The following ATM variants were observed in gnomAD, a reference collection of about 807,000 sequenced individuals.
The protein encoded by ATM is ATM serine/threonine kinase.
ATM carries 308 observed loss-of-function variants against 387.0 expected under a neutral mutation model. The ratio of observed to expected loss-of-function variants is 0.80; its 90% CI spans 0.73 to 0.87. ATM has a LOEUF of 0.87. Ranked by LOEUF, ATM falls within the 40% of genes least tolerant of loss-of-function variation. ATM has a pLI of 0.00. For missense variants in ATM, 3,312 were observed against 3,560.9 expected, an observed-to-expected ratio of 0.93 and a Z score of 1.78; for synonymous variants, 1,156 against 1,187.3, an observed-to-expected ratio of 0.97 and a Z score of 0.54.
intron 22 of ATM, among the ~76,000 whole-genome samples, chr11:108,278,005 G>T (rs2082038787): frequency 6.6e-6 from 1 of 151,606 alleles, no homozygotes; most frequent in African/African-American, 2.4e-5. Flanking sequence ...CATGTGATAG[G>T]TATCCAATAA....
intron 1 of ATM, 76 bp from the exon 2 acceptor site, chr11:108,227,518 AT>A (rs1385851743): frequency 1.4e-5 from 13 of 930,976 alleles, no homozygotes; most frequent in East Asian, 1.3e-4. Flanking sequence ...TTATATACAC[AT>A]TTTTTCACAC....
rs1555091146 is a variant in ATM at position 108,281,019 on chromosome 11, A to T, written c.3427A>T (p.Thr1143Ser). 6.2e-7 allele frequency: 1 copy of T among 1,613,222 alleles called. No individual in the cohort carries two copies. Among genetic ancestry groups the T allele is most frequent in the Non-Finnish European group, 8.5e-7 (1 of 1,179,460 alleles). Residue 1143 changes from threonine to serine, a missense_variant, in exon 24 of 63, where the codon ACT (threonine) becomes TCT (serine). Coordinates refer to ENST00000675843, the MANE Select transcript of ATM (RefSeq NM_000051.4). ...EMSHSAENPE[T>S]LDEIYNRKSV... ...GTCCCATAGTGCTGAGAACCCTGAA[A>T]CTTTGGATGAAATTTATAATAGAAA...
rs756160331 is a variant in ATM at position 108,250,693 on chromosome 11, T to C, written c.1236-8T>C. The C allele has an allele frequency of 3.1e-6, 5 of 1,599,180 alleles. No homozygotes were observed. The African/African-American group carries it at 4.0e-5, about 13-fold the overall frequency. ...AGTTTTCAAATTATCCTTTTTTTTT[T>C]TTTTTAGGCTACAGATTGCAACCCA... is the stretch of plus-strand genomic sequence containing the variant. On this transcript the variant is annotated splice_region_variant and splice_polypyrimidine_tract_variant and intron_variant, in intron 9 of 62. Coordinates refer to ENST00000675843, the MANE Select transcript of ATM (RefSeq NM_000051.4).
At chr11:108,305,469 A>G (rs903459236) in intron 37 of ATM, among the ~76,000 whole-genome samples, 8 of 152,258 alleles carry the variant, frequency 5.3e-5, no homozygotes, top group African/African-American at 1.9e-4. Context: ...AATTGCAGCT[A>G]CTTGGGAGGC....
chr11:108,356,985 C>T (rs1159368089), intron 61 of ATM, among the ~76,000 whole-genome samples: 4 of 152,188 alleles, frequency 2.6e-5, no homozygotes, highest in African/African-American at 7.2e-5. Flanking sequence ...CAGCTCCCAG[C>T]GTGAGCGATG....
intron 39 of ATM, among the ~76,000 whole-genome samples, chr11:108,311,133 AT>A (rs146797282): frequency 0.11 from 16,129 of 151,576 alleles, 1,207 homozygotes; most frequent in Non-Finnish European, 0.14. Flanking sequence ...CATCCAACTC[AT>A]TTTTTTTAAT....
chr11:108,284,601 C>T, intron 26 of ATM, 128 bp downstream of exon 26: 1 of 1,274,010 alleles, frequency 7.8e-7, no homozygotes, highest in Non-Finnish European at 1.1e-6. Flanking sequence ...TAATCATTAT[C>T]TAGCATAGCC....
chr11:108,342,989 A>C (rs562867296), intron 56 of ATM, among the ~76,000 whole-genome samples: 2 of 152,278 alleles, frequency 1.3e-5, no homozygotes, highest in South Asian at 4.1e-4. Flanking sequence ...AATCGTGGGG[A>C]TTGAGTGATG....
At chr11:108,258,745 T>A (rs1349978395) in intron 15 of ATM, among the ~76,000 whole-genome samples, 1 of 152,200 alleles carries the variant, frequency 6.6e-6, no homozygotes, top group Non-Finnish European at 1.5e-5. Flanking sequence ...TAACCTATAA[T>A]TATAGCTCAC....
At position 108,315,811 on chromosome 11, in the gene ATM, C is replaced by T. The variant is rs760827968; in HGVS notation, c.6007-12C>T. 1.9e-6 allele frequency: 3 copies of T among 1,603,270 alleles called. No homozygotes were observed. Among genetic ancestry groups the T allele is most frequent in the South Asian group, 1.1e-5 (1 of 90,758 alleles). ...TTTCCTTCTTCAATTTTTGTTGTTT[C>T]CATGTTTTCAGGATCTTCTCTTAGA... On this transcript the variant is annotated splice_polypyrimidine_tract_variant and intron_variant, in intron 40 of 62. Transcript: ENST00000675843.
intron 22 of ATM, among the ~76,000 whole-genome samples, chr11:108,274,564 T>C (rs901245603): frequency 2.0e-5 from 3 of 152,248 alleles, no homozygotes; most frequent in Non-Finnish European, 4.4e-5. Context: ...TTCTGGTACA[T>C]TGTGTCTTTG....
At chr11:108,307,822 GAC>G (rs2083807813) in intron 37 of ATM, 73 bp from the exon 38 acceptor site, 1 of 1,335,868 alleles carries the variant, frequency 7.5e-7, no homozygotes, top group Non-Finnish European at 1.1e-6. Flanking sequence ...GTGGGAGACA[GAC>G]ACATAAACAA....
At chr11:108,251,263 A>T (rs1025270357) in intron 10 of ATM, among the ~76,000 whole-genome samples, 191 bp downstream of exon 10, 2 of 152,256 alleles carry the variant, frequency 1.3e-5, no homozygotes, top group African/African-American at 4.8e-5. Context: ...AATGTTGACA[A>T]ATTATTAAAG....
Position 108,353,805 on chromosome 11 carries a change from A to T in ATM, c.8711A>T (p.Glu2904Val), listed in dbSNP as rs786202826. The T allele has an allele frequency of 6.2e-7, 1 of 1,614,112 alleles. No homozygotes were observed. The highest frequency in any genetic ancestry group is 1.1e-5 in the South Asian group (1 of 91,084). Residue 2904 changes from glutamate (E) to valine (V), a missense_variant, in exon 60 of 63, where the codon GAG (glutamate) becomes GTG (valine). Glu to Val is a moderately radical substitution (Grantham distance 121). This residue lies in a region of ATM where 1,405 missense variants were observed against 1,604.4 expected (regional missense o/e 0.88). Transcript: ENST00000675843. ...CAGGGCAAAATCCTTCCTACTCCTG[A>T]GACAGTTCCTTTTAGACTCACCAGA... ...FEQGKILPTP[E>V]TVPFRLTRDI...
chr11:108,325,271 T>A (rs2136304197), intron 45 of ATM, 39 bp from the exon 46 acceptor site: 15 of 1,032,840 alleles, frequency 1.5e-5, no homozygotes, highest in Non-Finnish European at 1.9e-5. Context: ...TTTTTTTTCA[T>A]TTCTCTTGCT....
chr11:108,318,781 CCTAAT>C (rs1210383954), intron 43 of ATM, among the ~76,000 whole-genome samples: 4 of 151,994 alleles, frequency 2.6e-5, no homozygotes, highest in African/African-American at 7.3e-5. Flanking sequence ...AAGCCAAGCA[CCTAAT>C]CTAATAAAGG....
intron 56 of ATM, chr11:108,340,460 G>A (rs2087413212): frequency 2.0e-5 from 3 of 152,044 alleles, no homozygotes; most frequent in Admixed American, 2.0e-4. Flanking sequence ...CCAAGTAATG[G>A]GAGTCATTTT....
intron 17 of ATM, among the ~76,000 whole-genome samples, chr11:108,267,713 T>C (rs780633134): frequency 6.6e-6 from 1 of 151,406 alleles, no homozygotes; most frequent in Non-Finnish European, 1.5e-5. Context: ...AAAAATTAGA[T>C]GGGCGTGGTG....
At chr11:108,295,745 C>T (rs2083085645) in intron 32 of ATM, 1 of 152,190 alleles carries the variant, frequency 6.6e-6, no homozygotes, top group South Asian at 2.1e-4. Flanking sequence ...CAACCTCCAC[C>T]TCCTGAGCTC....
Sources: gnomAD v4.1 joint callset for allele counts (sites outside exome capture counted in the v4.1 genomes callset) on GRCh38, gnomAD v4.1.1 for gene constraint, gnomAD v4.1.1 regional missense constraint, MANE v1.5 for transcripts, NCBI Gene and HGNC (gene_info 2026-07-23, HGNC 2026-07-21) for gene names.